The following AHCYL1 variants were observed in gnomAD, a reference collection of about 807,000 sequenced individuals.
AHCYL1 encodes adenosylhomocysteinase like 1, also known as S-adenosylhomocysteine hydrolase-like protein 1.
Under a neutral mutation model 79.3 loss-of-function variants are expected in AHCYL1, and 20 were observed. The observed-to-expected ratio is 0.25, with a 90% CI of 0.18 to 0.37. AHCYL1 has a LOEUF of 0.37. Among genes scored for constraint, AHCYL1 ranks in the 10% least tolerant of loss-of-function variants. The pLI is 1.00. For missense variants in AHCYL1, 330 were observed against 673.6 expected (o/e 0.49, Z 5.65); for synonymous variants, 223 against 242.2 (o/e 0.92, Z 0.74).
intron 9 of AHCYL1, 139 bp from the exon 10 acceptor site, chr1:110,017,356 G>C (rs1313328455): frequency 2.6e-5 from 18 of 683,740 alleles, no homozygotes; most frequent in Non-Finnish European, 4.5e-5. Flanking sequence ...TTCTGCTTGG[G>C]ATTGGAGCGT....
chr1:110,001,961 A>G (rs78834007), intron 1 of AHCYL1, among the ~76,000 whole-genome samples: 22 of 152,356 alleles, frequency 1.4e-4, no homozygotes, highest in African/African-American at 4.1e-4. Flanking sequence ...AAGAACTTCA[A>G]TGAAACCTTG....
chr1:110,015,359 G>A (rs1651348565), intron 6 of AHCYL1, 66 bp from the exon 7 acceptor site: 1 of 1,254,344 alleles, frequency 8.0e-7, no homozygotes, highest in Non-Finnish European at 1.2e-6. Context: ...TACAGAAAGT[G>A]GGTTCAAAGT....
chr1:109,985,150 C>T lies in AHCYL1; in HGVS notation c.98C>T (p.Thr33Ile). The T allele has an allele frequency of 6.2e-7, 1 of 1,610,214 alleles. No individual in the cohort carries two copies. The highest frequency in any genetic ancestry group is 8.5e-7 in the Non-Finnish European group (1 of 1,178,640). The change falls in exon 1 of 17, where the codon ACC becomes ATC. Residue 33 changes from threonine (T) to isoleucine (I), a missense_variant. Around this residue, in one of 6 missense-constraint regions of AHCYL1, gnomAD observed 66 missense variants for 68.0 expected, o/e 0.97. Coordinates refer to ENST00000369799, the MANE Select transcript of AHCYL1 (RefSeq NM_006621.7). ...EDAEKYSFMA[T>I]VTKAPKKQIQ... ...GCCGAGAAGTACTCCTTCATGGCCA[C>T]CGTCACCAAGGCGCCCAAGAAGGTG...
intron 1 of AHCYL1, among the ~76,000 whole-genome samples, chr1:109,991,568 A>G (rs898647140): frequency 1.3e-5 from 2 of 152,176 alleles, no homozygotes; most frequent in Admixed American, 6.5e-5. Flanking sequence ...CCTCAGGCTT[A>G]CTTCTTCACA....
intron 4 of AHCYL1, 151 bp from the exon 5 acceptor site, chr1:110,012,746 C>T: frequency 1.7e-6 from 1 of 574,352 alleles, no homozygotes; most frequent in Non-Finnish European, 3.0e-6. Context: ...AATACCAGTG[C>T]ACCACCTCGC....
intron 1 of AHCYL1, among the ~76,000 whole-genome samples, chr1:110,003,721 A>C (rs897234526): frequency 6.6e-6 from 1 of 152,314 alleles, no homozygotes; most frequent in Admixed American, 6.5e-5. Flanking sequence ...AGGTCAGGCA[A>C]CTAGGTAGGT....
Position 110,018,534 on chromosome 1 carries a change from G to A in AHCYL1, c.1219-18G>A. 1 of 1,614,038 alleles carries A rather than the reference G, an allele frequency of 6.2e-7. No homozygotes were observed. The highest frequency in any genetic ancestry group is 2.2e-5 in the East Asian group (1 of 44,862). On this transcript the variant is annotated intron_variant, in intron 12 of 16. Coordinates refer to ENST00000369799, the MANE Select transcript of AHCYL1 (RefSeq NM_006621.7). The stretch of plus-strand genomic sequence containing the variant: ...CTTTCATTAATAACCATAGTCAACT[G>A]TGCTTTCTTCCTTTCAGACCAGCCT...
intron 1 of AHCYL1, among the ~76,000 whole-genome samples, chr1:110,008,696 A>C (rs1347642700): frequency 6.6e-6 from 1 of 152,228 alleles, no homozygotes; most frequent in South Asian, 2.1e-4. Flanking sequence ...GAAGAAGGGT[A>C]AAGAGTTTAA....
intron 1 of AHCYL1, among the ~76,000 whole-genome samples, chr1:110,007,160 C>G (rs1383300851): frequency 6.6e-6 from 1 of 152,128 alleles, no homozygotes; most frequent in East Asian, 1.9e-4. Context: ...AGTTCCCTCC[C>G]CCACCCTCAC....
chr1:109,995,973 A>T (rs1185319857), intron 1 of AHCYL1, among the ~76,000 whole-genome samples: 1 of 152,178 alleles, frequency 6.6e-6, no homozygotes, highest in African/African-American at 2.4e-5. Context: ...TAATCCCAAC[A>T]CTTTGGGAGG....
In AHCYL1 at chr1:110,022,290, C is replaced by G. The variant is rs1014838746; in HGVS notation, c.*610C>G. ...TAGTATAGCCCTTCCTCCACTCCCA[C>G]CAGACTTGCTCATTTTTCGAGTTTT... On this transcript the variant is annotated 3_prime_UTR_variant, in exon 17 of 17. Coordinates refer to ENST00000369799, the MANE Select transcript of AHCYL1 (RefSeq NM_006621.7). The G allele has an allele frequency of 6.6e-6, 1 of 151,908 alleles. No homozygotes were observed. Among genetic ancestry groups the G allele is most frequent in the South Asian group, 2.1e-4 (1 of 4,820 alleles). 9.4% of individuals were successfully genotyped at this position (151,908 alleles called of 1,614,324 possible).
At position 110,012,477 on chromosome 1, in the gene AHCYL1, A is replaced by G. The variant is rs1651095903; in HGVS notation, c.477+15A>G. ...CCCAGACAGCGGTGAGTTTGTTGGA[A>G]GAAAAGAGGGACTTCTGATAAGGGG... On this transcript the variant is annotated intron_variant, in intron 4 of 16. Coordinates refer to ENST00000369799, the MANE Select transcript of AHCYL1 (RefSeq NM_006621.7). The G allele has an allele frequency of 1.3e-6, 2 of 1,566,790 alleles. No homozygotes were observed. Among genetic ancestry groups the G allele is most frequent in the African/African-American group, 1.4e-5 (1 of 72,824 alleles).
At chr1:109,992,058 T>C (rs1649787160) in intron 1 of AHCYL1, among the ~76,000 whole-genome samples, 1 of 151,296 alleles carries the variant, frequency 6.6e-6, no homozygotes, top group Admixed American at 6.6e-5. Flanking sequence ...CCTGTTTCCT[T>C]TGTGGTTCCA....
Position 110,014,796 on chromosome 1 carries a change from A to C in AHCYL1, c.614A>C (p.Glu205Ala), listed in dbSNP as rs1557773349. 1 of 1,614,224 alleles carries C rather than the reference A, an allele frequency of 6.2e-7. No homozygotes were observed. The change falls in exon 6 of 17, where the codon GAA becomes GCA. Residue 205 changes from glutamate (E) to alanine (A), a missense_variant. Physicochemically the swap from Glu to Ala is moderately radical, Grantham distance 107 (BLOSUM62 -1). Around this residue, in one of 6 missense-constraint regions of AHCYL1, gnomAD observed 25 missense variants for 27.7 expected, o/e 0.90. Coordinates refer to ENST00000369799, the MANE Select transcript of AHCYL1 (RefSeq NM_006621.7). ...VAVFAWKGES[E>A]DDFWWCIDRC... Reference sequence around the variant, plus strand: ...GTGTTCGCTTGGAAGGGCGAGTCAGAAGATGACTTCTGGTGGTGTATTGAC... The same window carrying C: ...GTGTTCGCTTGGAAGGGCGAGTCAGCAGATGACTTCTGGTGGTGTATTGAC...
intron 5 of AHCYL1, 48 bp downstream of exon 5, chr1:110,013,047 A>C: frequency 7.0e-7 from 1 of 1,429,190 alleles, no homozygotes; most frequent in Non-Finnish European, 9.7e-7. Flanking sequence ...TAGTTATCCA[A>C]ACATATAACT....
At chr1:110,003,305 T>A (rs1481585115) in intron 1 of AHCYL1, among the ~76,000 whole-genome samples, 3 of 152,164 alleles carry the variant, frequency 2.0e-5, no homozygotes, top group Non-Finnish European at 4.4e-5. Flanking sequence ...ACCTTTATTT[T>A]TACAGGACCA....
Position 110,018,623 on chromosome 1 carries a change from T to C in AHCYL1, c.1290T>C (p.Asp430=), listed in dbSNP as rs1242058182. ...AGGTGGACCATGTCATCTGGCCAGA[T>C]GGCAAACGAGTTGTCCTCCTGGCAG... ...RSQVDHVIWP[D]GKRVVLLAEG... Residue 430 remains aspartate, a synonymous_variant, in exon 13 of 17, where the codon GAT becomes GAC. Coordinates refer to ENST00000369799, the MANE Select transcript of AHCYL1 (RefSeq NM_006621.7). 1.2e-6 allele frequency: 2 copies of C among 1,613,646 alleles called. No individual in the cohort carries two copies. Among genetic ancestry groups the C allele is most frequent in the South Asian group, 1.1e-5 (1 of 91,018 alleles).
chr1:110,001,127 C>A (rs1305208055), intron 1 of AHCYL1: 2 of 210,520 alleles, frequency 9.5e-6, no homozygotes, highest in African/African-American at 2.4e-5. Flanking sequence ...ATATTTAGAT[C>A]AGTGATATTC....
chr1:110,013,127 C>A, intron 5 of AHCYL1, 128 bp downstream of exon 5: 1 of 612,252 alleles, frequency 1.6e-6, no homozygotes, highest in Non-Finnish European at 2.7e-6. Context: ...ATGATAAAAA[C>A]CTCAACAGGA....
Sources: allele counts gnomAD v4.1 joint callset (sites outside exome capture counted in the v4.1 genomes callset), GRCh38; gene constraint gnomAD v4.1.1; regional missense constraint gnomAD v4.1.1; transcripts MANE v1.5; gene names NCBI Gene and HGNC (gene_info 2026-07-23, HGNC 2026-07-21).